The following RTCB variants were observed in gnomAD, a reference collection of about 807,000 sequenced individuals.
RTCB encodes the protein RNA-splicing ligase RTCB.
Under a neutral mutation model 58.2 loss-of-function variants are expected in RTCB, and 32 were observed. That is an observed-to-expected ratio of 0.55 (90% CI 0.41 to 0.74). RTCB has a LOEUF of 0.74. RTCB is among the 30% of genes least tolerant of loss of function. The pLI, the probability that RTCB is intolerant of heterozygous loss-of-function variation, is 0.00. For synonymous variants in RTCB, 247 were observed against 218.6 expected (o/e 1.13, Z -1.15); for missense variants, 523 against 639.0 (o/e 0.82, Z 1.96).
At chr22:32,411,179 A>G (rs951785681) in intron 1 of RTCB, among the ~76,000 whole-genome samples, 5 of 152,208 alleles carry the variant, frequency 3.3e-5, no homozygotes, top group Non-Finnish European at 5.9e-5. Context: ...AAAAGAATGG[A>G]GTGACTATTG....
intron 6 of RTCB, among the ~76,000 whole-genome samples, chr22:32,398,413 A>G (rs1310908176): frequency 6.6e-6 from 1 of 152,180 alleles, no homozygotes; most frequent in African/African-American, 2.4e-5. Context: ...ATGAGAACAC[A>G]TGGACACAGG....
intron 11 of RTCB, among the ~76,000 whole-genome samples, chr22:32,390,428 T>C (rs1249164987): frequency 6.6e-6 from 1 of 152,102 alleles, no homozygotes; most frequent in African/African-American, 2.4e-5. Context: ...ATGTTTTCTG[T>C]TTTCTCCTTT....
At chr22:32,393,404 TAGA>T (rs938652062) in intron 10 of RTCB, among the ~76,000 whole-genome samples, 5 of 152,170 alleles carry the variant, frequency 3.3e-5, no homozygotes, top group African/African-American at 1.2e-4. Flanking sequence ...CCCCTGGGCT[TAGA>T]AGATGAGAGG....
chr22:32,399,795 C>A, intron 5 of RTCB, 36 bp from the exon 6 acceptor site: 1 of 1,587,962 alleles, frequency 6.3e-7, no homozygotes, highest in Non-Finnish European at 8.6e-7. Context: ...CATCTCACAG[C>A]AAAGGCAGAT....
intron 3 of RTCB, among the ~76,000 whole-genome samples, chr22:32,407,026 T>C (rs956717687): frequency 2.0e-5 from 3 of 152,122 alleles, no homozygotes; most frequent in Admixed American, 6.5e-5. Flanking sequence ...TAACATGATA[T>C]AGGAGTAACA....
At chr22:32,388,505 T>C (rs1307332548) in intron 11 of RTCB, among the ~76,000 whole-genome samples, 3 of 152,232 alleles carry the variant, frequency 2.0e-5, no homozygotes, top group Non-Finnish European at 4.4e-5. Context: ...TCTGCAGTTA[T>C]CAAAATTTCT....
intron 11 of RTCB, among the ~76,000 whole-genome samples, 189 bp from the exon 12 acceptor site, chr22:32,388,288 T>A (rs1452316602): frequency 4.6e-5 from 7 of 151,212 alleles, no homozygotes; most frequent in Non-Finnish European, 1.0e-4. Context: ...TCCAAAACAC[T>A]TTCACCTTTT....
At chr22:32,404,306 T>A (rs1933385114) in intron 4 of RTCB, among the ~76,000 whole-genome samples, 1 of 152,232 alleles carries the variant, frequency 6.6e-6, no homozygotes, top group South Asian at 2.1e-4. Flanking sequence ...TTTACTTAAC[T>A]CAATGTCAAT....
intron 7 of RTCB, 24 bp from the exon 8 acceptor site, chr22:32,396,273 A>T (rs749623238): frequency 1.1e-5 from 17 of 1,611,278 alleles, no homozygotes; most frequent in Admixed American, 1.7e-5. Flanking sequence ...CACAAAGTCC[A>T]AACCAGTTAG....
intron 4 of RTCB, among the ~76,000 whole-genome samples, chr22:32,402,728 C>T (rs1366927745): frequency 6.6e-6 from 1 of 152,056 alleles, no homozygotes; most frequent in Admixed American, 6.6e-5. Flanking sequence ...GGATTACAGG[C>T]GTGAGCCACC....
chr22:32,407,936 G>C (rs1305670571), intron 3 of RTCB: 1 of 493,604 alleles, frequency 2.0e-6, no homozygotes, highest in Non-Finnish European at 3.7e-6. Context: ...AATTTTTTTG[G>C]TATAGACAGG....
intron 11 of RTCB, among the ~76,000 whole-genome samples, chr22:32,391,488 C>A (rs556879979): frequency 6.6e-6 from 1 of 151,526 alleles, no homozygotes; most frequent in East Asian, 1.9e-4. Context: ...CTCTGCCTCC[C>A]GGATTCAAGT....
chr22:32,405,463 C>A (rs978921756), intron 4 of RTCB, among the ~76,000 whole-genome samples: 1 of 152,104 alleles, frequency 6.6e-6, no homozygotes, highest in African/African-American at 2.4e-5. Context: ...CTTGGCTGTA[C>A]TACAATGCAA....
intron 4 of RTCB, among the ~76,000 whole-genome samples, chr22:32,403,094 A>T (rs1411929542): frequency 6.6e-6 from 1 of 152,150 alleles, no homozygotes; most frequent in Non-Finnish European, 1.5e-5. Flanking sequence ...GATGACCGGC[A>T]AATAAATGGC....
In RTCB at chr22:32,387,854, C is replaced by T. The variant is rs534360375; in HGVS notation, c.*138G>A. ...CCCCTGAAAGCAGCAGCCTCCCCAT[C>T]AGCCATTTTGGCGTGAGCAGTTACA... is the stretch of plus-strand genomic sequence containing the variant. On this transcript the variant is annotated 3_prime_UTR_variant, in exon 12 of 12. Transcript: ENST00000216038. 2.4e-4 allele frequency: 140 copies of T among 579,168 alleles called. No individual in the cohort carries two copies. The highest frequency in any genetic ancestry group is 3.6e-4 in the Non-Finnish European group (117 of 321,654). 35.9% of individuals were successfully genotyped at this position (579,168 alleles called of 1,614,324 possible).
intron 5 of RTCB, among the ~76,000 whole-genome samples, chr22:32,400,610 G>A (rs1205299473): frequency 1.3e-5 from 2 of 152,318 alleles, no homozygotes; most frequent in South Asian, 2.1e-4. Context: ...TGTGTTCCAC[G>A]TATGCTTTTC....
At chr22:32,400,840 AC>A (rs1250375870) in intron 5 of RTCB, among the ~76,000 whole-genome samples, 1 of 152,236 alleles carries the variant, frequency 6.6e-6, no homozygotes, top group Non-Finnish European at 1.5e-5. Context: ...CTATTCTGCT[AC>A]TGAAGTACTC....
chr22:32,388,670 C>T (rs547069764), intron 11 of RTCB, among the ~76,000 whole-genome samples: 1 of 152,328 alleles, frequency 6.6e-6, no homozygotes, highest in Admixed American at 6.5e-5. Context: ...ACCATTCCAT[C>T]CTACCCACAC....
intron 1 of RTCB, among the ~76,000 whole-genome samples, 158 bp from the exon 2 acceptor site, chr22:32,408,991 C>T (rs1261730717): frequency 4.6e-5 from 7 of 152,172 alleles, no homozygotes; most frequent in African/African-American, 1.4e-4. Context: ...TCAAAGACTA[C>T]GAGCTGCTCC....
Sources: allele counts gnomAD v4.1 joint callset (sites outside exome capture counted in the v4.1 genomes callset), GRCh38; gene constraint gnomAD v4.1.1; transcripts MANE v1.5; gene names NCBI Gene and HGNC (gene_info 2026-07-23, HGNC 2026-07-21).